PDZD2: variants seen among roughly 807,000 people sequenced by gnomAD.
The protein encoded by PDZD2 is PDZ domain containing 2.
Under a neutral mutation model 220.7 loss-of-function variants are expected in PDZD2, and 90 were observed. The ratio of observed to expected loss-of-function variants is 0.41; its 90% CI spans 0.34 to 0.49. The LOEUF (loss-of-function observed/expected upper bound fraction) is 0.49, where lower values mean the gene tolerates loss of function less well. PDZD2 is among the 20% of genes least tolerant of loss of function. PDZD2 has a pLI of 0.28. For missense variants in PDZD2, 3,174 were observed against 3,608.5 expected, an observed-to-expected ratio of 0.88 and a Z score of 3.08; for synonymous variants, 1,375 against 1,450.5, an observed-to-expected ratio of 0.95 and a Z score of 1.18.
At chr5:31,967,656 G>T in intron 2 of PDZD2, among the ~76,000 whole-genome samples, 1 of 152,186 alleles carries the variant, frequency 6.6e-6, no homozygotes, top group Non-Finnish European at 1.5e-5. Context: ...CCAAGGCAAG[G>T]CTAAGGGCAC....
At chr5:31,970,976 G>C (rs548938483) in intron 2 of PDZD2, among the ~76,000 whole-genome samples, 1 of 152,264 alleles carries the variant, frequency 6.6e-6, no homozygotes, top group African/African-American at 2.4e-5. Flanking sequence ...CAAACTCAAG[G>C]TGTCCAGAAC....
chr5:31,750,509 C>G (rs1750889504), intron 1 of PDZD2, among the ~76,000 whole-genome samples: 1 of 152,210 alleles, frequency 6.6e-6, no homozygotes, highest in Non-Finnish European at 1.5e-5. Context: ...AAAGCATGAA[C>G]ACAATGTGCA....
chr5:31,779,624 C>T (rs1215922080), intron 1 of PDZD2, among the ~76,000 whole-genome samples: 4 of 152,098 alleles, frequency 2.6e-5, no homozygotes, highest in African/African-American at 4.8e-5. Context: ...CCGCCTGCCT[C>T]GGCCTCCCAA....
At chr5:31,675,169 G>A (rs181064990) in intron 1 of PDZD2, among the ~76,000 whole-genome samples, 76 of 152,324 alleles carry the variant, frequency 5.0e-4, no homozygotes, top group Non-Finnish European at 3.4e-4. Context: ...TCCACAGAGG[G>A]CATTGGCTGG....
chr5:31,776,820 AT>A (rs35551016), intron 1 of PDZD2, among the ~76,000 whole-genome samples: 14 of 142,998 alleles, frequency 9.8e-5, no homozygotes, highest in Middle Eastern at 3.8e-3. Flanking sequence ...TGCTTGGTTA[AT>A]TTTTTTTTTG....
At chr5:31,727,185 T>C (rs916644627) in intron 1 of PDZD2, among the ~76,000 whole-genome samples, 1 of 152,080 alleles carries the variant, frequency 6.6e-6, no homozygotes, top group African/African-American at 2.4e-5. Flanking sequence ...TAATATGAGA[T>C]TTCAGCAGGA....
At chr5:31,641,762 T>G (rs1449510167) in intron 1 of PDZD2, among the ~76,000 whole-genome samples, 1 of 152,258 alleles carries the variant, frequency 6.6e-6, no homozygotes, top group East Asian at 1.9e-4. Context: ...GTGCTGGAAT[T>G]AGAGGCATGA....
intron 1 of PDZD2, among the ~76,000 whole-genome samples, chr5:31,653,176 C>T (rs1745416165): frequency 6.6e-6 from 1 of 152,088 alleles, no homozygotes; most frequent in Admixed American, 6.6e-5. Context: ...TACTCCATCA[C>T]CTGTGAGTTT....
intron 7 of PDZD2, among the ~76,000 whole-genome samples, chr5:32,039,438 G>T (rs111311454): frequency 0.016 from 2,378 of 149,962 alleles, 73 homozygotes; most frequent in African/African-American, 0.053. Flanking sequence ...ATGCAGTGGC[G>T]TAATCTCAGC....
chr5:31,752,788 C>T (rs1223210933), intron 1 of PDZD2, among the ~76,000 whole-genome samples: 1 of 152,148 alleles, frequency 6.6e-6, no homozygotes, highest in Non-Finnish European at 1.5e-5. Context: ...GTTTCAAATA[C>T]TATTTCTTAG....
At chr5:31,697,903 A>AT (rs1747442760) in intron 1 of PDZD2, among the ~76,000 whole-genome samples, 1 of 48,266 alleles carries the variant, frequency 2.1e-5, no homozygotes, top group Non-Finnish European at 3.9e-5. Flanking sequence ...TATTATTATC[A>AT]TTTTTTATCA....
intron 6 of PDZD2, among the ~76,000 whole-genome samples, chr5:32,021,710 C>T (rs750617789): frequency 5.9e-5 from 9 of 152,132 alleles, no homozygotes; most frequent in South Asian, 2.1e-4. Flanking sequence ...CGTCAGCTCC[C>T]GGTTTGTTAA....
At chr5:31,913,484 G>A (rs1451215193) in intron 2 of PDZD2, among the ~76,000 whole-genome samples, 1 of 152,104 alleles carries the variant, frequency 6.6e-6, no homozygotes, top group Non-Finnish European at 1.5e-5. Context: ...AAAATACGAA[G>A]GCTAAGACCC....
At chr5:31,806,691 G>A (rs1187427343) in intron 2 of PDZD2, among the ~76,000 whole-genome samples, 3 of 152,132 alleles carry the variant, frequency 2.0e-5, no homozygotes, top group Non-Finnish European at 4.4e-5. Context: ...AGGGAGAACT[G>A]GGAAGGTTTT....
chr5:31,840,368 ACACT>A (rs1179044821), intron 2 of PDZD2: 9 of 143,076 alleles, frequency 6.3e-5, no homozygotes, highest in Non-Finnish European at 8.9e-5. Context: ...CCTATCCCCC[ACACT>A]CATTCAAAGA....
intron 6 of PDZD2, among the ~76,000 whole-genome samples, chr5:32,033,936 G>A (rs566869815): frequency 6.6e-6 from 1 of 152,058 alleles, no homozygotes; most frequent in Non-Finnish European, 1.5e-5. Flanking sequence ...ACCATCTTTA[G>A]CATAAGATTT....
chr5:31,763,603 G>C (rs1246045226), intron 1 of PDZD2, among the ~76,000 whole-genome samples: 2 of 152,170 alleles, frequency 1.3e-5, no homozygotes, highest in Non-Finnish European at 2.9e-5. Flanking sequence ...AAGAGACTGA[G>C]AGGTTGTGAC....
intron 2 of PDZD2, among the ~76,000 whole-genome samples, chr5:31,971,351 T>G (rs1279163370): frequency 6.6e-6 from 1 of 152,170 alleles, no homozygotes; most frequent in Non-Finnish European, 1.5e-5. Context: ...GAAAAGGCCT[T>G]GCTAGTTCTT....
intron 1 of PDZD2, among the ~76,000 whole-genome samples, chr5:31,640,681 G>A (rs1744915182): frequency 1.3e-5 from 2 of 152,086 alleles, no homozygotes; most frequent in Admixed American, 6.5e-5. Flanking sequence ...TGGCCAGATA[G>A]GTACAGGTTG....
Sources: allele counts gnomAD v4.1 joint callset (sites outside exome capture counted in the v4.1 genomes callset), GRCh38; gene constraint gnomAD v4.1.1; transcripts MANE v1.5; gene names NCBI Gene and HGNC (gene_info 2026-07-23, HGNC 2026-07-21).